Variants in LRRC4C observed in about 807,000 individuals in gnomAD.
LRRC4C encodes leucine-rich repeat-containing protein 4C.
A neutral mutation model predicts 33.6 loss-of-function variants in LRRC4C; 5 were observed. The ratio of observed to expected loss-of-function variants is 0.15; its 90% confidence interval spans 0.08 to 0.31. LRRC4C has a LOEUF of 0.31. Among genes scored for constraint, LRRC4C ranks in the 10% least tolerant of loss-of-function variants. The pLI is 1.00. For missense variants in LRRC4C, 560 were observed against 796.7 expected, an observed-to-expected ratio of 0.70 and a Z score of 3.58; for synonymous variants, 329 against 302.0, an observed-to-expected ratio of 1.09 and a Z score of -0.93.
intron 1 of LRRC4C, among the ~76,000 whole-genome samples, chr11:40,976,752 G>T (rs61887571): frequency 1.9e-3 from 296 of 152,170 alleles, no homozygotes; most frequent in Non-Finnish European, 3.4e-3. Flanking sequence ...ATGATTGAAT[G>T]ACTGTAAGAG....
chr11:40,189,944 A>G (rs1011125514), intron 5 of LRRC4C, among the ~76,000 whole-genome samples: 2 of 152,342 alleles, frequency 1.3e-5, no homozygotes, highest in East Asian at 1.9e-4. Flanking sequence ...GCCTATAGTT[A>G]CTCAATACAA....
At chr11:40,184,480 G>C (rs1196327321) in intron 5 of LRRC4C, among the ~76,000 whole-genome samples, 1 of 152,128 alleles carries the variant, frequency 6.6e-6, no homozygotes, top group Admixed American at 6.5e-5. Context: ...TAATCACAGA[G>C]AAACCAGGCA....
intron 1 of LRRC4C, among the ~76,000 whole-genome samples, chr11:41,331,363 T>C (rs749540509): frequency 6.6e-6 from 1 of 152,204 alleles, no homozygotes; most frequent in African/African-American, 2.4e-5. Flanking sequence ...TCAGAAGTTA[T>C]TGATTAAAGA....
Position 40,616,299 on chromosome 11 carries a change from T to C in LRRC4C, c.-270+31843A>G, listed in dbSNP as rs572483271. On this transcript the variant is annotated intron_variant, in intron 3 of 6. Transcript: ENST00000528697. ...GGGTGTGGAGAAATAGGAACACTTT[T>C]ACACTGTTGGTGGGACTGTAAACTA... 2.0e-5 allele frequency among the ~76,000 whole-genome samples: 3 copies of C among 152,078 alleles called. No homozygotes were observed. In the South Asian group the frequency reaches 6.2e-4, roughly 32 times the overall value.
intron 1 of LRRC4C, among the ~76,000 whole-genome samples, chr11:41,160,732 C>T (rs1944432080): frequency 6.6e-6 from 1 of 151,962 alleles, no homozygotes; most frequent in Non-Finnish European, 1.5e-5. Context: ...CATTGTCTAG[C>T]AAAGGATACA....
chr11:40,699,912 T>C (rs1452475053), intron 2 of LRRC4C, among the ~76,000 whole-genome samples: 1 of 152,196 alleles, frequency 6.6e-6, no homozygotes, highest in East Asian at 1.9e-4. Context: ...GAATTCTTAA[T>C]AACTTAGTTT....
At chr11:40,929,895 CATTTA>C (rs1265876943) in intron 2 of LRRC4C, among the ~76,000 whole-genome samples, 1 of 152,126 alleles carries the variant, frequency 6.6e-6, no homozygotes, top group Non-Finnish European at 1.5e-5. Context: ...TAAACAGTTA[CATTTA>C]ATTTAATATT....
At chr11:40,604,814 G>A (rs115699558) in intron 3 of LRRC4C, among the ~76,000 whole-genome samples, 3,100 of 151,924 alleles carry the variant, frequency 0.02, 48 homozygotes, top group South Asian at 0.039. Context: ...GAAGAAAAAA[G>A]GTAGCATGAA....
At chr11:40,772,443 C>A (rs186123865) in intron 2 of LRRC4C, among the ~76,000 whole-genome samples, 6 of 152,262 alleles carry the variant, frequency 3.9e-5, no homozygotes, top group African/African-American at 1.2e-4. Flanking sequence ...ATATCACTAC[C>A]ACCTGACAAC....
chr11:41,114,948 A>G (rs1410177096), intron 1 of LRRC4C, among the ~76,000 whole-genome samples: 1 of 152,086 alleles, frequency 6.6e-6, no homozygotes, highest in Non-Finnish European at 1.5e-5. Context: ...ATTTGCTTTA[A>G]GAATAACACA....
At chr11:40,152,789 T>C (rs914867340) in intron 5 of LRRC4C, among the ~76,000 whole-genome samples, 3 of 152,128 alleles carry the variant, frequency 2.0e-5, no homozygotes, top group African/African-American at 7.2e-5. Context: ...CAGCAAGACA[T>C]GCCCAAGGAG....
chr11:40,263,070 C>G (rs1941985048), intron 4 of LRRC4C, among the ~76,000 whole-genome samples: 1 of 151,726 alleles, frequency 6.6e-6, no homozygotes, highest in Non-Finnish European at 1.5e-5. Context: ...ACAACTCAAA[C>G]AGAGAAAATA....
intron 2 of LRRC4C, among the ~76,000 whole-genome samples, chr11:40,687,037 G>A (rs530511948): frequency 1.3e-5 from 2 of 152,202 alleles, no homozygotes; most frequent in South Asian, 4.1e-4. Context: ...ATTACGGTTT[G>A]AGAAATGGTG....
At position 41,156,506 on chromosome 11, in the gene LRRC4C, G is replaced by A. The variant is rs76208113; in HGVS notation, c.-495-222783C>T. 3.0e-3 allele frequency among the ~76,000 whole-genome samples: 449 copies of A among 152,094 alleles called. 8 individuals carry two copies. Among genetic ancestry groups the A allele is most frequent in the East Asian group, 0.018 (93 of 5,166 alleles). On this transcript the variant is annotated intron_variant, in intron 1 of 6. Coordinates refer to ENST00000528697, the MANE Select transcript of LRRC4C (RefSeq NM_001258419.2). ...AACAATTTCCCACTTAACAATTTCT[G>A]ATTGTTCTCTATGATTGGCAAGTCA...
At chr11:40,774,359 C>G (rs1034650027) in intron 2 of LRRC4C, among the ~76,000 whole-genome samples, 1 of 151,966 alleles carries the variant, frequency 6.6e-6, no homozygotes, top group Non-Finnish European at 1.5e-5. Context: ...TGAACATATA[C>G]TATATAAATA....
At chr11:40,476,733 T>C (rs1009892374) in intron 3 of LRRC4C, among the ~76,000 whole-genome samples, 1 of 152,210 alleles carries the variant, frequency 6.6e-6, no homozygotes, top group African/African-American at 2.4e-5. Context: ...AGATATTTTC[T>C]TTGAATGTAA....
intron 1 of LRRC4C, among the ~76,000 whole-genome samples, chr11:41,386,203 T>TTGAATGCCATTATTG (rs1953353732): frequency 6.6e-6 from 1 of 151,586 alleles, no homozygotes; most frequent in Non-Finnish European, 1.5e-5. Context: ...GATGGAGCAA[T>TTGAATGCCATTATTG]AATGGATGGC....
chr11:41,148,237 G>T (rs1437453538), intron 1 of LRRC4C, among the ~76,000 whole-genome samples: 2 of 151,752 alleles, frequency 1.3e-5, no homozygotes, highest in Non-Finnish European at 2.9e-5. Flanking sequence ...GGATGATCTC[G>T]ATCTCCTGAT....
At chr11:40,310,786 A>G (rs1590273208) in intron 4 of LRRC4C, among the ~76,000 whole-genome samples, 1 of 152,202 alleles carries the variant, frequency 6.6e-6, no homozygotes, top group Non-Finnish European at 1.5e-5. Context: ...AAGCCTTTAA[A>G]AGGACTTTGG....
Sources: gnomAD v4.1 joint callset for allele counts (sites outside exome capture counted in the v4.1 genomes callset) on GRCh38, gnomAD v4.1.1 for gene constraint, MANE v1.5 for transcripts, NCBI Gene and HGNC (gene_info 2026-07-23, HGNC 2026-07-21) for gene names.